MSL2: variants seen among roughly 807,000 people sequenced by gnomAD.
MSL2 encodes the protein E3 ubiquitin-protein ligase MSL2.
MSL2 carries 2 observed loss-of-function variants against 35.8 expected under a neutral mutation model. The ratio of observed to expected loss-of-function variants is 0.06; its 90% CI spans 0.02 to 0.18. MSL2 has a LOEUF of 0.18. MSL2 is among the 10% of genes least tolerant of loss of function. MSL2 has a pLI of 1.00. For missense variants in MSL2, 523 were observed against 706.7 expected (o/e 0.74, Z 2.95); for synonymous variants, 296 against 255.7 (o/e 1.16, Z -1.50).
chr3:136,153,463 C>T (rs1275386659), intron 1 of MSL2, among the ~76,000 whole-genome samples: 1 of 152,082 alleles, frequency 6.6e-6, no homozygotes, highest in Non-Finnish European at 1.5e-5. Context: ...TGCATATATA[C>T]TAATCATAAA....
chr3:136,154,431 C>G (rs1232723526), intron 1 of MSL2, among the ~76,000 whole-genome samples: 1 of 152,150 alleles, frequency 6.6e-6, no homozygotes, highest in African/African-American at 2.4e-5. Flanking sequence ...GTTCCCATCT[C>G]CACTCTTACT....
chr3:136,171,293 A>G (rs150525073), intron 1 of MSL2, among the ~76,000 whole-genome samples: 77 of 152,282 alleles, frequency 5.1e-4, no homozygotes, highest in African/African-American at 1.8e-3. Flanking sequence ...TATCATTTGT[A>G]AAGGAAGGAA....
chr3:136,195,393 C>T lies in MSL2; in HGVS notation c.-280G>A. ...TCCGGAGCGACCACAGAGCGCAGAACGCGGCGGCTTGGGCGCTCGGGGCGG... is the reference window on the plus strand; with the variant it reads ...TCCGGAGCGACCACAGAGCGCAGAATGCGGCGGCTTGGGCGCTCGGGGCGG... On this transcript the variant is annotated 5_prime_UTR_variant, in exon 1 of 2. Coordinates refer to ENST00000309993, the MANE Select transcript of MSL2 (RefSeq NM_018133.4). 8.6e-7 allele frequency: 1 copy of T among 1,163,044 alleles called. No individual in the cohort carries two copies. The allele number at this position is 1,163,044 out of a possible 1,614,324, so 72.0% of individuals were successfully genotyped here.
intron 1 of MSL2, among the ~76,000 whole-genome samples, chr3:136,179,848 C>T (rs894326952): frequency 6.6e-6 from 1 of 152,140 alleles, no homozygotes; most frequent in African/African-American, 2.4e-5. Context: ...AGGTGATCAC[C>T]TGAGGTCAAG....
intron 1 of MSL2, among the ~76,000 whole-genome samples, chr3:136,153,229 G>A (rs1205952491): frequency 2.0e-5 from 3 of 152,126 alleles, no homozygotes; most frequent in Non-Finnish European, 4.4e-5. Flanking sequence ...GCGAGACCCT[G>A]TCTCAAAAAC....
At chr3:136,170,828 T>C (rs577570611) in intron 1 of MSL2, among the ~76,000 whole-genome samples, 1 of 152,122 alleles carries the variant, frequency 6.6e-6, no homozygotes, top group East Asian at 1.9e-4. Flanking sequence ...ATAACTCCAA[T>C]CAGGCCAAAA....
At chr3:136,194,788 C>T (rs1230618647) in intron 1 of MSL2, among the ~76,000 whole-genome samples, 184 bp downstream of exon 1, 1 of 152,084 alleles carries the variant, frequency 6.6e-6, no homozygotes, top group Non-Finnish European at 1.5e-5. Flanking sequence ...TGAAAGGGTT[C>T]TCTGCCTTTC....
At chr3:136,191,830 GAAAC>G (rs1940698906) in intron 1 of MSL2, among the ~76,000 whole-genome samples, 2 of 152,144 alleles carry the variant, frequency 1.3e-5, no homozygotes, top group African/African-American at 4.8e-5. Flanking sequence ...CAAATTTAGA[GAAAC>G]AAACTTGAAG....
At chr3:136,157,510 G>T (rs567067342) in intron 1 of MSL2, among the ~76,000 whole-genome samples, 1 of 152,034 alleles carries the variant, frequency 6.6e-6, no homozygotes, top group South Asian at 2.1e-4. Flanking sequence ...TCAAAAAAAC[G>T]AAAATAAATA....
intron 1 of MSL2, 58 bp from the exon 2 acceptor site, chr3:136,152,796 A>G: frequency 6.4e-7 from 1 of 1,567,506 alleles, no homozygotes; most frequent in South Asian, 1.2e-5. Context: ...CCATTTCATA[A>G]ACTGAAGTTT....
At chr3:136,161,265 G>A (rs1296711485) in intron 1 of MSL2, among the ~76,000 whole-genome samples, 2 of 152,194 alleles carry the variant, frequency 1.3e-5, no homozygotes, top group Non-Finnish European at 2.9e-5. Flanking sequence ...CTCGTAAAAT[G>A]TAAAACAGGT....
chr3:136,152,718 T>C lies in MSL2; in HGVS notation c.163A>G (p.Ile55Val), dbSNP rs149929074. 2.4e-4 allele frequency: 382 copies of C among 1,613,690 alleles called. No individual in the cohort carries two copies. Among genetic ancestry groups the C allele is most frequent in the Non-Finnish European group, 3.1e-4 (368 of 1,179,792 alleles). Residue 55 changes from isoleucine (I) to valine (V), a missense_variant, in exon 2 of 2, where the codon ATT becomes GTT. By Grantham distance (29) the Ile-to-Val change is conservative. Transcript: ENST00000309993. ...TGGCAGGTGGAGTTGGTGGGTGCAA[T>C]AGGATCTTGTAGCAAATGTCCTAAG... Reference protein sequence around the residue: ...CVCGHLLQDPIAPTNSTCQHY... With the variant: ...CVCGHLLQDPVAPTNSTCQHY...
At chr3:136,185,252 A>G (rs74567608) in intron 1 of MSL2, among the ~76,000 whole-genome samples, 4,338 of 151,820 alleles carry the variant, frequency 0.029, 200 homozygotes, top group African/African-American at 0.098. Flanking sequence ...CTGGGATTAC[A>G]GGCATGAGCC....
intron 1 of MSL2, among the ~76,000 whole-genome samples, chr3:136,192,270 T>A (rs1262040758): frequency 6.6e-6 from 1 of 152,158 alleles, no homozygotes; most frequent in Non-Finnish European, 1.5e-5. Flanking sequence ...CCTCCCAGGT[T>A]CAAGCAATGT....
chr3:136,185,301 TAAAA>T (rs10571267), intron 1 of MSL2, among the ~76,000 whole-genome samples: 37 of 107,092 alleles, frequency 3.5e-4, no homozygotes, highest in South Asian at 5.8e-4. Flanking sequence ...TTAACAAAGC[TAAAA>T]AAAAAAAAAA....
intron 1 of MSL2, among the ~76,000 whole-genome samples, chr3:136,176,175 T>C (rs182703692): frequency 1.3e-4 from 20 of 152,340 alleles, no homozygotes; most frequent in African/African-American, 4.3e-4. Flanking sequence ...TTGCCCAATA[T>C]AGTTGTGTGC....
chr3:136,175,051 G>A (rs1361164273), intron 1 of MSL2, among the ~76,000 whole-genome samples: 1 of 152,128 alleles, frequency 6.6e-6, no homozygotes, highest in Non-Finnish European at 1.5e-5. Context: ...TAACTATGCT[G>A]AATTTGAGTC....
At chr3:136,189,260 C>A (rs972993249) in intron 1 of MSL2, among the ~76,000 whole-genome samples, 1 of 146,720 alleles carries the variant, frequency 6.8e-6, no homozygotes, top group Non-Finnish European at 1.5e-5. Context: ...GATCATGCCA[C>A]CACATTCCAG....
At chr3:136,162,288 AAG>A (rs1289254804) in intron 1 of MSL2, among the ~76,000 whole-genome samples, 8 of 151,570 alleles carry the variant, frequency 5.3e-5, no homozygotes, top group Admixed American at 3.9e-4. Flanking sequence ...AAAAAAAAAA[AAG>A]AGGGCTACCA....
Sources: allele counts gnomAD v4.1 joint callset (sites outside exome capture counted in the v4.1 genomes callset), GRCh38; gene constraint gnomAD v4.1.1; transcripts MANE v1.5; gene names NCBI Gene and HGNC (gene_info 2026-07-23, HGNC 2026-07-21).